MBD1: variants seen among roughly 807,000 people sequenced by gnomAD.
MBD1 encodes methyl-CpG-binding domain protein 1.
In MBD1, 25 loss-of-function variants were observed where a neutral mutation model predicts 82.6. The observed-to-expected ratio is 0.30, with a 90% CI of 0.22 to 0.42. MBD1 has a LOEUF of 0.42. Ranked by LOEUF, MBD1 falls within the 10% of genes least tolerant of loss-of-function variation. MBD1 has a pLI of 1.00. For missense variants in MBD1, 627 were observed against 819.6 expected (o/e 0.76, Z 2.87); for synonymous variants, 301 against 303.7 (o/e 0.99, Z 0.09).
chr18:50,281,708 C>G (rs1444307999), upstream of MBD1: 1 of 408,054 alleles, frequency 2.5e-6, no homozygotes, highest in East Asian at 3.6e-5. Flanking sequence ...TCAACGACAG[C>G]TAACCCCTTC....
At chr18:50,274,692 C>T (rs993610933) in intron 10 of MBD1, among the ~76,000 whole-genome samples, 2 of 152,228 alleles carry the variant, frequency 1.3e-5, no homozygotes, top group African/African-American at 4.8e-5. Context: ...TAGCTCCCAT[C>T]ACTGTGCCTA....
In MBD1 at chr18:50,275,980, C is replaced by A; in HGVS notation, c.518G>T (p.Arg173Leu). ...GGCTGCACACTCCCCACAGCCCACA[C>A]GCTGCCAGGAATGGTAGGGACGAGA... ...AFNREQRMFK[R>L]VGCGECAACQ... Residue 173 changes from arginine (R) to leucine (L), a missense_variant and splice_region_variant, in exon 7 of 17, where the codon CGT (arginine) becomes CTT (leucine). Around this residue, in one of 6 missense-constraint regions of MBD1, gnomAD observed 228 missense variants for 318.1 expected, o/e 0.72. Coordinates refer to ENST00000269468, the MANE Select transcript of MBD1 (RefSeq NM_015846.4). 6.2e-7 allele frequency: 1 copy of A among 1,612,288 alleles called. No individual in the cohort carries two copies. The highest frequency in any genetic ancestry group is 8.5e-7 in the Non-Finnish European group (1 of 1,179,984).
intron 16 of MBD1, chr18:50,270,184 G>C (rs2034921017): frequency 4.4e-6 from 7 of 1,589,606 alleles, no homozygotes; most frequent in East Asian, 4.5e-5. Context: ...GCAGAGGCTG[G>C]ACTGTATGAG....
chr18:50,279,769 G>A, intron 2 of MBD1, 114 bp downstream of exon 2: 1 of 1,391,016 alleles, frequency 7.2e-7, no homozygotes, highest in Non-Finnish European at 1.0e-6. Flanking sequence ...CGCTAATAAG[G>A]ATTAACTGTA....
rs763382451 is a variant in MBD1, at chr18:50,269,706, C to A, written c.*145G>T. 1 of 780,558 alleles carries A rather than the reference C, an allele frequency of 1.3e-6. No homozygotes were observed. The highest frequency in any genetic ancestry group is 2.4e-6 in the Non-Finnish European group (1 of 417,930). The allele number at this position is 780,558 out of a possible 1,614,324, so 48.4% of individuals were successfully genotyped here. On this transcript the variant is annotated 3_prime_UTR_variant, in exon 17 of 17. Coordinates refer to ENST00000269468, the MANE Select transcript of MBD1 (RefSeq NM_015846.4). The stretch of plus-strand genomic sequence containing the variant: ...GAAGCTGGAGGTGGTGAGAGACTGA[C>A]ATGGGTTCCAGGCCATCCTCGTGGG...
intron 2 of MBD1, among the ~76,000 whole-genome samples, chr18:50,277,893 C>T (rs965787910): frequency 6.6e-6 from 1 of 152,128 alleles, no homozygotes. Context: ...CGGTTCTTTT[C>T]CTATAATAAT....
rs765543918 is a variant in MBD1 at position 50,272,872 on chromosome 18, G to A, written c.1668C>T (p.Ala556=). The A allele has an allele frequency of 1.1e-5, 17 of 1,614,236 alleles. No individual in the cohort carries two copies. In the Admixed American group the frequency reaches 2.5e-4, roughly 24 times the overall value. Residue 556 remains alanine (A), a synonymous_variant, in exon 14 of 17, where the codon GCC becomes GCT. Coordinates refer to ENST00000269468, the MANE Select transcript of MBD1 (RefSeq NM_015846.4). ...EDKEENKDDS[A]SKLAPEEEAG... ...CCTCTTCCTCTGGGGCCAATTTGGA[G>A]GCAGAATCATCCTTGTTCTCCTCCT...
intron 13 of MBD1, 188 bp downstream of exon 13, chr18:50,273,146 T>G: frequency 8.3e-7 from 1 of 1,208,526 alleles, no homozygotes; most frequent in Admixed American, 2.0e-5. Context: ...GTTAGCTGGA[T>G]AGCAAAGCGG....
downstream of MBD1, chr18:50,267,600 G>T: frequency 6.5e-7 from 1 of 1,535,146 alleles, no homozygotes; most frequent in Non-Finnish European, 8.7e-7. Context: ...AGGGAACCAG[G>T]ACGGACCTGC....
At chr18:50,280,927 G>A (rs537653132) in intron 1 of MBD1, among the ~76,000 whole-genome samples, 7 of 151,892 alleles carry the variant, frequency 4.6e-5, no homozygotes, top group Non-Finnish European at 1.0e-4. Context: ...ATCCCTAACT[G>A]TCACCATTCT....
In MBD1 at chr18:50,269,124, C is replaced by A. The variant is rs1480934986; in HGVS notation, c.*727G>T. On this transcript the variant is annotated 3_prime_UTR_variant, in exon 17 of 17. Coordinates refer to ENST00000269468, the MANE Select transcript of MBD1 (RefSeq NM_015846.4). ...TATTAAGTACAGTGCCTACCACAGG[C>A]CAGGTTCTCAATACTTGAATAAATG... 6.6e-5 allele frequency: 68 copies of A among 1,031,830 alleles called. No homozygotes were observed. The highest frequency in any genetic ancestry group is 7.9e-5 in the Non-Finnish European group (68 of 857,860). 63.9% of individuals were successfully genotyped at this position (1,031,830 alleles called of 1,614,324 possible).
rs2036896062 is a variant in MBD1, at chr18:50,274,423, T to G, written c.979-70A>C. 3 of 1,520,782 alleles carry G rather than the reference T, an allele frequency of 2.0e-6. No individual in the cohort carries two copies. The Admixed American group carries it at 5.4e-5, about 27-fold the overall frequency. The allele number at this position is 1,520,782 out of a possible 1,614,324, so 94.2% of individuals were successfully genotyped here. A position where few individuals can be genotyped will look rare whatever the true frequency, so the allele number is the denominator to read the frequency against. ...AGGCCATCCTCAACGCCTATTCCAGTGCTGGTCCTGGTGCTCCTCTAGCCC... is the reference window on the plus strand; with the variant it reads ...AGGCCATCCTCAACGCCTATTCCAGGGCTGGTCCTGGTGCTCCTCTAGCCC... On this transcript the variant is annotated intron_variant, in intron 10 of 16. Coordinates refer to ENST00000269468, the MANE Select transcript of MBD1 (RefSeq NM_015846.4).
chr18:50,275,840 C>T lies in MBD1; in HGVS notation c.658G>A (p.Glu220Lys), dbSNP rs1057340110. ...TTTCCACTTGCCCAACTCACCCTTTCCACAATCCGGAGGCAGCGTCTCCGT... is the reference window on the plus strand; with the variant it reads ...TTTCCACTTGCCCAACTCACCCTTTTCACAATCCGGAGGCAGCGTCTCCGT... ...CERRRCLRIV[E>K]RSRGCGVCRG... Residue 220 changes from glutamate to lysine, a missense_variant, in exon 7 of 17, where the codon GAA becomes AAA. By Grantham distance (56) the Glu-to-Lys change is moderately conservative. Transcript: ENST00000269468. 3.7e-6 allele frequency: 6 copies of T among 1,614,118 alleles called. No homozygotes were observed. The African/African-American group carries it at 5.3e-5, about 14-fold the overall frequency.
At chr18:50,276,278 C>G (rs2037853078) in intron 6 of MBD1, 100 bp downstream of exon 6, 2 of 1,263,730 alleles carry the variant, frequency 1.6e-6, no homozygotes, top group Non-Finnish European at 2.3e-6. Flanking sequence ...TAAAATGACT[C>G]TTCATCCTGT....
chr18:50,275,525 G>A (rs1229637445), intron 8 of MBD1, 75 bp downstream of exon 8: 2 of 1,611,476 alleles, frequency 1.2e-6, no homozygotes, highest in East Asian at 2.2e-5. Context: ...GGTAGGCAAG[G>A]CCAGGTTGAA....
rs2036810003 is a variant in MBD1, at chr18:50,274,226, C to T, written c.1106G>A (p.Arg369His). Residue 369 changes from arginine to histidine, a missense_variant, in exon 11 of 17, where the codon CGC (arginine) becomes CAC (histidine). Arg to His is a conservative substitution (Grantham distance 29, BLOSUM62 0). Transcript: ENST00000269468. Reference sequence around the variant, plus strand: ...GCATTGGCGCCAACGACACTTCTGGCGCTTCTGGTTGCTGCCCCCGAATTT... The same window carrying T: ...GCATTGGCGCCAACGACACTTCTGGTGCTTCTGGTTGCTGCCCCCGAATTT... Reference protein sequence around the residue: ...KPKFGGSNQKRQKCRWRQCLQ... With the variant: ...KPKFGGSNQKHQKCRWRQCLQ... The T allele has an allele frequency of 1.9e-6, 3 of 1,614,030 alleles. No individual in the cohort carries two copies. Among genetic ancestry groups the T allele is most frequent in the Middle Eastern group, 1.6e-4 (1 of 6,068 alleles).
chr18:50,275,063 G>C lies in MBD1; in HGVS notation c.910-18C>G, dbSNP rs373568525. 12 of 1,613,650 alleles carry C rather than the reference G, an allele frequency of 7.4e-6. No individual in the cohort carries two copies. The African/African-American group carries it at 1.2e-4, about 16-fold the overall frequency. On this transcript the variant is annotated intron_variant, in intron 9 of 16. Transcript: ENST00000269468. ...CTGGGGTGCTGTAGAGGCAAATGGGGTGGGGTCAGGGCAGGTACTGGGTAA... is the reference window on the plus strand; with the variant it reads ...CTGGGGTGCTGTAGAGGCAAATGGGCTGGGGTCAGGGCAGGTACTGGGTAA...
chr18:50,279,195 A>C (rs543724989), intron 2 of MBD1, among the ~76,000 whole-genome samples: 19 of 152,306 alleles, frequency 1.2e-4, no homozygotes, highest in South Asian at 4.1e-4. Context: ...TTTCCTCAAC[A>C]ATGCTGTCAA....
chr18:50,276,039 A>T (rs1413489317), intron 6 of MBD1, 58 bp from the exon 7 acceptor site: 49 of 1,578,142 alleles, frequency 3.1e-5, no homozygotes, highest in Non-Finnish European at 1.7e-5. Context: ...TGGTCCTCCC[A>T]TGTCTACTGA....
Sources: allele counts gnomAD v4.1 joint callset (sites outside exome capture counted in the v4.1 genomes callset), GRCh38; gene constraint gnomAD v4.1.1; regional missense constraint gnomAD v4.1.1; transcripts MANE v1.5; gene names NCBI Gene and HGNC (gene_info 2026-07-23, HGNC 2026-07-21).